The following MYH14 variants were observed in gnomAD, a reference collection of about 807,000 sequenced individuals.
MYH14 encodes myosin heavy chain 14.
Under a neutral mutation model 255.5 loss-of-function variants are expected in MYH14, and 123 were observed. The ratio of observed to expected loss-of-function variants is 0.48; its 90% CI spans 0.42 to 0.56. The LOEUF (loss-of-function observed/expected upper bound fraction) is 0.56. MYH14 is among the 20% of genes least tolerant of loss of function. The pLI is 0.00. For synonymous variants in MYH14, 1,095 were observed against 1,161.2 expected (o/e 0.94, Z 1.16); for missense variants, 2,423 against 2,802.3 (o/e 0.86, Z 3.06).
rs2033614989 is a variant in MYH14 at position 50,235,398 on chromosome 19, G to GT, written c.1114+3328_1114+3329insT. ...TCCTGGATGTTGGTTGCTCCAGCTGGCCCCCCAGCTCCCTACCCTTCCACT... is the reference window on the plus strand; with the variant it reads ...TCCTGGATGTTGGTTGCTCCAGCTGGTCCCCCCAGCTCCCTACCCTTCCACT... On this transcript the variant is annotated intron_variant, in intron 10 of 42. Coordinates refer to ENST00000642316, the MANE Select transcript of MYH14 (RefSeq NM_001145809.2). 2.0e-5 allele frequency among the ~76,000 whole-genome samples: 3 copies of GT among 150,544 alleles called. No homozygotes were observed. In the South Asian group the frequency reaches 6.3e-4, roughly 32 times the overall value.
At chr19:50,295,181 C>T (rs942486404) in intron 39 of MYH14, among the ~76,000 whole-genome samples, 5 of 151,640 alleles carry the variant, frequency 3.3e-5, no homozygotes, top group East Asian at 3.9e-4. Flanking sequence ...AAAAATTAGC[C>T]GGGCATGGTG....
intron 36 of MYH14, among the ~76,000 whole-genome samples, chr19:50,291,547 T>C (rs115280300): frequency 0.022 from 3,284 of 152,122 alleles, 114 homozygotes; most frequent in African/African-American, 0.074. Flanking sequence ...GCCCCCATGG[T>C]TTTGTTTTTG....
intron 18 of MYH14, among the ~76,000 whole-genome samples, chr19:50,257,946 G>C (rs759686902): frequency 6.6e-6 from 1 of 152,154 alleles, no homozygotes; most frequent in Non-Finnish European, 1.5e-5. Context: ...TTGTACAAAG[G>C]CCCAATGGTA....
chr19:50,279,129 G>T (rs529870978), intron 30 of MYH14, among the ~76,000 whole-genome samples: 4 of 152,054 alleles, frequency 2.6e-5, no homozygotes, highest in Admixed American at 1.3e-4. Context: ...ATACCCTTTA[G>T]CTATCATCCC....
chr19:50,209,463 C>A (rs1450951077), intron 1 of MYH14, among the ~76,000 whole-genome samples: 2 of 152,080 alleles, frequency 1.3e-5, no homozygotes, highest in Non-Finnish European at 2.9e-5. Flanking sequence ...GCCTGGACAA[C>A]ATAGTGAGAC....
chr19:50,265,578 T>G (rs939299877), intron 22 of MYH14, among the ~76,000 whole-genome samples: 15 of 151,918 alleles, frequency 9.9e-5, no homozygotes, highest in Non-Finnish European at 2.2e-4. Context: ...CCCAGCAGTT[T>G]GGGAGGCTGA....
chr19:50,223,461 G>A (rs1420008005), intron 5 of MYH14, 112 bp downstream of exon 5: 23 of 788,828 alleles, frequency 2.9e-5, no homozygotes, highest in Middle Eastern at 3.3e-4. Flanking sequence ...TCTCCTAGAC[G>A]CCTATGCCAC....
chr19:50,235,047 TA>T (rs894715760), intron 10 of MYH14, among the ~76,000 whole-genome samples: 2 of 151,934 alleles, frequency 1.3e-5, no homozygotes, highest in South Asian at 2.1e-4. Context: ...ACTGTGGTGA[TA>T]AAAAAAATGT....
At chr19:50,217,810 C>A (rs1236337777) in intron 3 of MYH14, 39 bp downstream of exon 3, 4 of 1,602,504 alleles carry the variant, frequency 2.5e-6, no homozygotes, top group Non-Finnish European at 3.4e-6. Context: ...CGAGGCGGCT[C>A]TTCAACGGGG....
intron 10 of MYH14, 140 bp from the exon 11 acceptor site, chr19:50,244,101 GC>G: frequency 1.5e-6 from 1 of 688,418 alleles, no homozygotes; most frequent in South Asian, 1.7e-5. Flanking sequence ...GAGCTATCAC[GC>G]CCATCCCACA....
rs771985087 is a variant in MYH14 at position 50,281,771 on chromosome 19, G to A, written c.4468G>A (p.Ala1490Thr). 43 of 1,612,444 alleles carry A rather than the reference G, an allele frequency of 2.7e-5. No individual in the cohort carries two copies. Among genetic ancestry groups the A allele is most frequent in the South Asian group, 2.1e-4 (19 of 91,028 alleles). Residue 1490 changes from alanine (A) to threonine (T), a missense_variant, in exon 33 of 43, where the codon GCC becomes ACC. Ala to Thr is a moderately conservative substitution (Grantham distance 58). This residue lies in a region of MYH14 where 1,513 missense variants were observed against 1,674.8 expected (regional missense o/e 0.90). Coordinates refer to ENST00000642316, the MANE Select transcript of MYH14 (RefSeq NM_001145809.2). ...RRRLQQELDD[A>T]TMDLEQQRQL... ...CCGGCTGCAGCAGGAGCTGGACGAC[G>A]CCACCATGGACCTGGAGCAGCAGCG...
intron 23 of MYH14, 102 bp from the exon 24 acceptor site, chr19:50,268,054 CCCTGG>C: frequency 7.1e-7 from 1 of 1,412,988 alleles, no homozygotes; most frequent in Non-Finnish European, 9.4e-7. Flanking sequence ...CTCAGTCCTG[CCCTGG>C]AGAACTTAAA....
chr19:50,291,264 C>T (rs752232453), intron 36 of MYH14, among the ~76,000 whole-genome samples: 82 of 151,832 alleles, frequency 5.4e-4, no homozygotes, highest in Non-Finnish European at 1.0e-3. Flanking sequence ...ACTTTTAAGT[C>T]AAATTTCCTC....
chr19:50,207,039 C>G (rs2031797221), intron 1 of MYH14, among the ~76,000 whole-genome samples: 1 of 134,518 alleles, frequency 7.4e-6, no homozygotes, highest in South Asian at 2.6e-4. Context: ...ATAGGGAGAC[C>G]CTGTTTCTAC....
rs1312036917 is a variant in MYH14, at chr19:50,266,984, G to T, written c.2802G>T (p.Gly934=). 1 of 1,568,108 alleles carries T rather than the reference G, an allele frequency of 6.4e-7. No individual in the cohort carries two copies. Among genetic ancestry groups the T allele is most frequent in the African/African-American group, 1.3e-5 (1 of 74,300 alleles). ...ELQQQSAREV[G]ELQGRVAQLE... is the part of the protein sequence containing the mutation. ...AGCAGCAGAGCGCCCGCGAAGTTGG[G>T]GAGCTCCAGGGCCGAGTGGCACAGG... Residue 934 remains glycine (G), a synonymous_variant, in exon 23 of 43, where the codon GGG becomes GGT. Coordinates refer to ENST00000642316, the MANE Select transcript of MYH14 (RefSeq NM_001145809.2). This position sits in a 1 kb window ranked among gnomAD's most constrained non-coding sequence, Gnocchi z 4.1.
chr19:50,252,321 G>A lies in MYH14; in HGVS notation c.1831-318G>A, dbSNP rs574600833. 2.0e-5 allele frequency among the ~76,000 whole-genome samples: 3 copies of A among 152,324 alleles called. No individual in the cohort carries two copies. The highest frequency in any genetic ancestry group is 6.5e-5 in the Admixed American group (1 of 15,298). On this transcript the variant is annotated intron_variant, in intron 15 of 42. Transcript: ENST00000642316. This position sits in a 1 kb window ranked among gnomAD's most constrained non-coding sequence, Gnocchi z 4.2. ...ACCCCAGGTGGCAGGAACCGCAGGG[G>A]TAAAACCCCGAGGTGGGAGTAAGCT... is the stretch of plus-strand genomic sequence containing the variant.
intron 19 of MYH14, 98 bp downstream of exon 19, chr19:50,259,363 T>A (rs1165802001): frequency 4.1e-6 from 6 of 1,467,724 alleles, no homozygotes; most frequent in Non-Finnish European, 4.6e-6. Context: ...CCACTCTTGT[T>A]CCTTCTGCGC....
chr19:50,278,528 C>T (rs996514719), intron 30 of MYH14, among the ~76,000 whole-genome samples: 2 of 148,924 alleles, frequency 1.3e-5, no homozygotes, highest in Non-Finnish European at 3.0e-5. Flanking sequence ...TAGTGAGACC[C>T]CATCTTCAGA....
At chr19:50,207,297 G>GAGAA (rs2031849567) in intron 1 of MYH14, among the ~76,000 whole-genome samples, 1 of 150,192 alleles carries the variant, frequency 6.7e-6, no homozygotes, top group African/African-American at 2.5e-5. Context: ...GAGAGAGAGA[G>GAGAA]AGAGAGAGAG....
Sources: gnomAD v4.1 joint callset for allele counts (sites outside exome capture counted in the v4.1 genomes callset) on GRCh38, gnomAD v4.1.1 for gene constraint, gnomAD v4.1.1 regional missense constraint, Gnocchi (gnomAD v3.1) non-coding constraint, MANE v1.5 for transcripts, NCBI Gene and HGNC (gene_info 2026-07-23, HGNC 2026-07-21) for gene names.